Variants in MYT1L observed in about 807,000 individuals in gnomAD.
The protein encoded by MYT1L is myelin transcription factor 1 like.
Under a neutral mutation model 126.7 loss-of-function variants are expected in MYT1L, and 12 were observed. The observed-to-expected ratio is 0.09, with a 90% CI of 0.06 to 0.15. The LOEUF is 0.15. Ranked by LOEUF, MYT1L falls within the 10% of genes least tolerant of loss-of-function variation. MYT1L has a pLI of 1.00. For missense variants in MYT1L, 979 were observed against 1,585.2 expected, an observed-to-expected ratio of 0.62 and a Z score of 6.49; for synonymous variants, 541 against 604.2, an observed-to-expected ratio of 0.90 and a Z score of 1.53.
intron 4 of MYT1L, among the ~76,000 whole-genome samples, chr2:2,045,074 T>C (rs986170202): frequency 6.6e-6 from 1 of 152,202 alleles, no homozygotes; most frequent in African/African-American, 2.4e-5. Context: ...TACCTGATAA[T>C]AGACCAAGGG....
intron 1 of MYT1L, among the ~76,000 whole-genome samples, chr2:2,323,066 T>C (rs2096197669): frequency 1.3e-5 from 2 of 152,162 alleles, no homozygotes; most frequent in African/African-American, 2.4e-5. Context: ...AAAAGCTCAA[T>C]GTGAGTACTA....
chr2:1,992,880 AG>A (rs1056461691), intron 5 of MYT1L, among the ~76,000 whole-genome samples: 1 of 152,172 alleles, frequency 6.6e-6, no homozygotes, highest in Non-Finnish European at 1.5e-5. Flanking sequence ...GCTGCTCCTA[AG>A]ACCAGTGTTC....
At chr2:1,994,909 G>C (rs2061710060) in intron 5 of MYT1L, among the ~76,000 whole-genome samples, 1 of 151,718 alleles carries the variant, frequency 6.6e-6, no homozygotes, top group Non-Finnish European at 1.5e-5. Context: ...TATTTTTTAG[G>C]GGGAGGAAAA....
At chr2:2,197,510 G>A (rs556629215) in intron 2 of MYT1L, among the ~76,000 whole-genome samples, 178 of 151,954 alleles carry the variant, frequency 1.2e-3, no homozygotes, top group African/African-American at 4.0e-3. Flanking sequence ...TGCATACAAC[G>A]AATGTGTAGA....
intron 21 of MYT1L, among the ~76,000 whole-genome samples, chr2:1,821,052 A>T (rs1051510288): frequency 6.6e-5 from 10 of 152,202 alleles, no homozygotes; most frequent in African/African-American, 2.4e-4. Flanking sequence ...AGATGGTGTC[A>T]GCCAGTTCCT....
In MYT1L at chr2:1,960,794, C is replaced by G. The variant is rs368793484; in HGVS notation, c.153-17460G>C. Among the ~76,000 whole-genome samples the G allele has an allele frequency of 2.6e-5, 4 of 152,244 alleles. 1 individual carries two copies. The highest frequency in any genetic ancestry group is 4.1e-4 in the South Asian group (2 of 4,820). ...GGCTTCTCTCACAATGCACCTGCCTCCCTGGACCCTTCCTTGCATGTCACC... is the reference window on the plus strand; with the variant it reads ...GGCTTCTCTCACAATGCACCTGCCTGCCTGGACCCTTCCTTGCATGTCACC... On this transcript the variant is annotated intron_variant, in intron 8 of 24. Coordinates refer to ENST00000647738, the MANE Select transcript of MYT1L (RefSeq NM_001303052.2).
At chr2:1,947,440 G>C (rs1338794957) in intron 8 of MYT1L, among the ~76,000 whole-genome samples, 1 of 152,200 alleles carries the variant, frequency 6.6e-6, no homozygotes, top group Non-Finnish European at 1.5e-5. Flanking sequence ...ATCCGGCTAG[G>C]AGGACGTTTG....
intron 18 of MYT1L, among the ~76,000 whole-genome samples, chr2:1,869,396 A>C (rs1448001115): frequency 2.0e-5 from 3 of 152,252 alleles, no homozygotes; most frequent in Non-Finnish European, 4.4e-5. Flanking sequence ...AGTCCTCCCC[A>C]GTAGCCAGCT....
intron 2 of MYT1L, among the ~76,000 whole-genome samples, chr2:2,229,104 T>C (rs760878068): frequency 7.9e-5 from 12 of 152,244 alleles, no homozygotes; most frequent in Non-Finnish European, 1.3e-4. Flanking sequence ...TACAGAGATG[T>C]GTTTATGTTT....
intron 1 of MYT1L, among the ~76,000 whole-genome samples, chr2:2,295,446 C>A (rs994858692): frequency 1.3e-5 from 2 of 151,844 alleles, no homozygotes; most frequent in Non-Finnish European, 2.9e-5. Flanking sequence ...TCACCCTGAG[C>A]ATCAGTGCTT....
intron 5 of MYT1L, among the ~76,000 whole-genome samples, chr2:1,986,776 G>C (rs1574250633): frequency 3.9e-5 from 6 of 152,118 alleles, no homozygotes; most frequent in Admixed American, 2.6e-4. Context: ...GGCCAAGGGG[G>C]TCGTCAGATG....
chr2:1,857,289 T>C (rs1247052155), intron 18 of MYT1L, among the ~76,000 whole-genome samples: 1 of 152,174 alleles, frequency 6.6e-6, no homozygotes, highest in African/African-American at 2.4e-5. Flanking sequence ...GTTAACTACT[T>C]ATTTATTTTT....
chr2:1,893,792 A>G lies in MYT1L; in HGVS notation c.2033-1505T>C, dbSNP rs546059718. 1.1e-4 allele frequency among the ~76,000 whole-genome samples: 17 copies of G among 152,300 alleles called. No homozygotes were observed. In the South Asian group the frequency reaches 3.5e-3, roughly 32 times the overall value. On this transcript the variant is annotated intron_variant, in intron 14 of 24. Coordinates refer to ENST00000647738, the MANE Select transcript of MYT1L (RefSeq NM_001303052.2). The stretch of plus-strand genomic sequence containing the variant: ...GAGCAATGCTAAGAAATTGCCCTGG[A>G]TTTGGATACAAAGGGAAAAAAGAAG...
chr2:2,249,155 A>T (rs2094588388), intron 2 of MYT1L, among the ~76,000 whole-genome samples: 1 of 152,172 alleles, frequency 6.6e-6, no homozygotes, highest in African/African-American at 2.4e-5. Flanking sequence ...GAACTAATAA[A>T]TTTAAAAAAT....
chr2:1,859,681 T>G (rs1162873965), intron 18 of MYT1L, among the ~76,000 whole-genome samples: 1 of 152,246 alleles, frequency 6.6e-6, no homozygotes, highest in African/African-American at 2.4e-5. Flanking sequence ...GCAGGAATAT[T>G]GGCCAGGGGA....
At chr2:2,300,728 G>A (rs938104284) in intron 1 of MYT1L, among the ~76,000 whole-genome samples, 7 of 152,156 alleles carry the variant, frequency 4.6e-5, no homozygotes, top group Non-Finnish European at 1.0e-4. Flanking sequence ...TCAAATCCAC[G>A]CGATGATTCT....
chr2:2,222,716 C>A (rs1272013647), intron 2 of MYT1L, among the ~76,000 whole-genome samples: 1 of 152,096 alleles, frequency 6.6e-6, no homozygotes, highest in South Asian at 2.1e-4. Context: ...TTAAAATATT[C>A]TCTTGCCTTC....
At position 2,073,619 on chromosome 2, in the gene MYT1L, G is replaced by A. The variant is rs115485135; in HGVS notation, c.-303-19496C>T. Among the ~76,000 whole-genome samples the A allele has an allele frequency of 3.1e-3, 472 of 152,222 alleles. 4 individuals carry two copies. The highest frequency in any genetic ancestry group is 0.011 in the African/African-American group (460 of 41,542). On this transcript the variant is annotated intron_variant, in intron 3 of 24. Coordinates refer to ENST00000647738, the MANE Select transcript of MYT1L (RefSeq NM_001303052.2). Reference sequence around the variant, plus strand: ...CGGCTCCTAGTCCAAGTTTCTCGTCGTGTGACTACAGGCATTTCTCGCCTC... The same window carrying A: ...CGGCTCCTAGTCCAAGTTTCTCGTCATGTGACTACAGGCATTTCTCGCCTC...
Position 2,305,357 on chromosome 2 carries a change from C to A in MYT1L, c.-520-20854G>T, listed in dbSNP as rs78191231. Among the ~76,000 whole-genome samples, 39 of 152,278 alleles carry A rather than the reference C, an allele frequency of 2.6e-4. No individual in the cohort carries two copies. The East Asian group carries it at 4.3e-3, about 17-fold the overall frequency. On this transcript the variant is annotated intron_variant, in intron 1 of 24. Coordinates refer to ENST00000647738, the MANE Select transcript of MYT1L (RefSeq NM_001303052.2). ...GATGGCTGAAATGTGTGCCCTGAAC[C>A]AACACTTGGTTTAAAATACACAGAA...
Sources: allele counts gnomAD v4.1 joint callset (sites outside exome capture counted in the v4.1 genomes callset), GRCh38; gene constraint gnomAD v4.1.1; transcripts MANE v1.5; gene names NCBI Gene and HGNC (gene_info 2026-07-23, HGNC 2026-07-21).